The following LAMC1 variants were observed in gnomAD, a reference collection of about 807,000 sequenced individuals.
The protein encoded by LAMC1 is laminin subunit gamma-1.
A neutral mutation model predicts 173.6 loss-of-function variants in LAMC1; 38 were observed. The observed-to-expected ratio is 0.22, with a 90% confidence interval of 0.17 to 0.29. The LOEUF (loss-of-function observed/expected upper bound fraction) is 0.29. Among genes scored for constraint, LAMC1 ranks in the 10% least tolerant of loss-of-function variants. The pLI, the probability that LAMC1 is intolerant of heterozygous loss-of-function variation, is 1.00. For synonymous variants in LAMC1, 746 were observed against 749.1 expected, an observed-to-expected ratio of 1.00 and a Z score of 0.07; for missense variants, 1,824 against 2,051.8, an observed-to-expected ratio of 0.89 and a Z score of 2.14.
At chr1:183,080,107 G>C (rs780367102) in intron 1 of LAMC1, among the ~76,000 whole-genome samples, 9 of 152,134 alleles carry the variant, frequency 5.9e-5, no homozygotes, top group Non-Finnish European at 8.8e-5. Context: ...AGCCGGGTGT[G>C]GTGGTGCACA....
At chr1:183,110,446 T>C in intron 3 of LAMC1, 42 bp from the exon 4 acceptor site, 2 of 1,518,406 alleles carry the variant, frequency 1.3e-6, no homozygotes, top group Non-Finnish European at 1.8e-6. Context: ...TTCTGGGACT[T>C]TGCAGCTGTT....
intron 1 of LAMC1, among the ~76,000 whole-genome samples, chr1:183,099,799 C>T (rs946820590): frequency 2.0e-5 from 3 of 152,084 alleles, no homozygotes; most frequent in African/African-American, 7.2e-5. Context: ...TCTCTTGGCC[C>T]GTCAAACTGC....
At chr1:183,128,082 T>A (rs900677619) in intron 17 of LAMC1, among the ~76,000 whole-genome samples, 18 of 151,978 alleles carry the variant, frequency 1.2e-4, no homozygotes, top group Non-Finnish European at 2.1e-4. Context: ...GTGTCTTGGG[T>A]TTTTTGCTTA....
At chr1:183,058,747 C>G (rs1249481913) in intron 1 of LAMC1, among the ~76,000 whole-genome samples, 1 of 152,052 alleles carries the variant, frequency 6.6e-6, no homozygotes, top group Non-Finnish European at 1.5e-5. Context: ...AGTACCTTCC[C>G]AAAAACATCC....
At chr1:183,126,339 A>T in intron 16 of LAMC1, 77 bp downstream of exon 16, 1 of 1,515,608 alleles carries the variant, frequency 6.6e-7, no homozygotes, top group Non-Finnish European at 9.0e-7. Context: ...AAGGACTTTG[A>T]CAGCCTCAGT....
intron 1 of LAMC1, among the ~76,000 whole-genome samples, chr1:183,069,369 T>G (rs1193127855): frequency 6.6e-6 from 1 of 152,202 alleles, no homozygotes; most frequent in Non-Finnish European, 1.5e-5. Context: ...TGATTAGCTA[T>G]TCATCAATAT....
chr1:183,125,253 C>T, intron 14 of LAMC1, 144 bp from the exon 15 acceptor site: 2 of 768,860 alleles, frequency 2.6e-6, no homozygotes, highest in Admixed American at 2.3e-5. Flanking sequence ...ACTCACCAGC[C>T]ACATTTAAAG....
intron 21 of LAMC1, among the ~76,000 whole-genome samples, chr1:183,132,749 A>G (rs1656831544): frequency 6.6e-6 from 1 of 152,228 alleles, no homozygotes; most frequent in Non-Finnish European, 1.5e-5. Context: ...AACTACAGAG[A>G]ATAGTAACAA....
chr1:183,028,162 C>CG (rs1227729533), intron 1 of LAMC1, among the ~76,000 whole-genome samples: 1 of 151,290 alleles, frequency 6.6e-6, no homozygotes, highest in African/African-American at 2.4e-5. Flanking sequence ...CTCCCCCCCC[C>CG]CACCTCTTCC....
At position 183,144,466 on chromosome 1, in the gene LAMC1, G is replaced by T. The variant is rs911150602; in HGVS notation, c.*1676G>T. 7 of 152,500 alleles carry T rather than the reference G, an allele frequency of 4.6e-5. No homozygotes were observed. Among genetic ancestry groups the T allele is most frequent in the African/African-American group, 1.7e-4 (7 of 41,412 alleles). The allele number at this position is 152,500 out of a possible 1,614,324, so 9.4% of individuals were successfully genotyped here. On this transcript the variant is annotated 3_prime_UTR_variant, in exon 28 of 28. Transcript: ENST00000258341. ...AGAATTCTTTGGATTGTACTCCAAA[G>T]AATTGTGCCTTGTGTTTGCAGCATC...
chr1:183,055,691 A>G (rs1309398532), intron 1 of LAMC1, among the ~76,000 whole-genome samples: 1 of 152,116 alleles, frequency 6.6e-6, no homozygotes, highest in African/African-American at 2.4e-5. Context: ...GTGCACCTGT[A>G]GTTGCAGCTA....
intron 14 of LAMC1, chr1:183,125,190 T>C: frequency 1.6e-6 from 1 of 609,724 alleles, no homozygotes; most frequent in South Asian, 2.1e-5. Context: ...TTTCTCACGC[T>C]AAGCCTTCAA....
chr1:183,040,141 G>T (rs771251307), intron 1 of LAMC1, among the ~76,000 whole-genome samples: 10 of 152,192 alleles, frequency 6.6e-5, no homozygotes, highest in Non-Finnish European at 7.4e-5. Context: ...TTTTAACCAT[G>T]CCTGACTGAA....
chr1:183,086,695 A>G (rs1258008386), intron 1 of LAMC1, among the ~76,000 whole-genome samples: 2 of 152,188 alleles, frequency 1.3e-5, no homozygotes, highest in Non-Finnish European at 2.9e-5. Context: ...TTTAACACAA[A>G]CTTACCTGCA....
At chr1:183,031,852 G>A (rs1034460013) in intron 1 of LAMC1, among the ~76,000 whole-genome samples, 1 of 151,718 alleles carries the variant, frequency 6.6e-6, no homozygotes, top group Non-Finnish European at 1.5e-5. Context: ...CTTGCTATAA[G>A]ACTTGTTTAA....
chr1:183,026,785 A>G (rs1293594000), intron 1 of LAMC1, among the ~76,000 whole-genome samples: 1 of 152,264 alleles, frequency 6.6e-6, no homozygotes, highest in African/African-American at 2.4e-5. Context: ...TAAAATAAGC[A>G]GTCAAATCAT....
At chr1:183,057,490 G>T (rs1286089508) in intron 1 of LAMC1, among the ~76,000 whole-genome samples, 1 of 152,226 alleles carries the variant, frequency 6.6e-6, no homozygotes, top group South Asian at 2.1e-4. Context: ...GCCGGGTGCC[G>T]TGGCTTACGC....
intron 1 of LAMC1, among the ~76,000 whole-genome samples, 200 bp downstream of exon 1, chr1:183,024,334 T>A (rs563411850): frequency 5.5e-5 from 8 of 145,630 alleles, no homozygotes; most frequent in South Asian, 2.4e-4. Flanking sequence ...GCCAGGATGT[T>A]CCGCACGAGT....
chr1:183,035,293 A>G (rs1196147558), intron 1 of LAMC1, among the ~76,000 whole-genome samples: 1 of 152,216 alleles, frequency 6.6e-6, no homozygotes, highest in East Asian at 1.9e-4. Flanking sequence ...GGCTCAAACA[A>G]ACCTCCCACC....
Sources: gnomAD v4.1 joint callset for allele counts (sites outside exome capture counted in the v4.1 genomes callset) on GRCh38, gnomAD v4.1.1 for gene constraint, MANE v1.5 for transcripts, NCBI Gene and HGNC (gene_info 2026-07-23, HGNC 2026-07-21) for gene names.